Variants in DPYSL4 observed in about 807,000 individuals in gnomAD.
DPYSL4 encodes dihydropyrimidinase-related protein 4.
A neutral mutation model predicts 63.4 loss-of-function variants in DPYSL4; 43 were observed. That is an observed-to-expected ratio of 0.68 (90% CI 0.53 to 0.88). The LOEUF is 0.88. Ranked by LOEUF, DPYSL4 falls within the 40% of genes least tolerant of loss-of-function variation. The pLI, the probability that DPYSL4 is intolerant of heterozygous loss-of-function variation, is 0.00. For missense variants in DPYSL4, 733 were observed against 819.5 expected (o/e 0.89, Z 1.29); for synonymous variants, 353 against 331.7 (o/e 1.06, Z -0.70).
At chr10:132,192,517 T>G (rs1426047767) in intron 2 of DPYSL4, 141 bp from the exon 3 acceptor site, 3 of 1,416,020 alleles carry the variant, frequency 2.1e-6, no homozygotes, top group African/African-American at 2.9e-5. Context: ...GAGGAGCTAG[T>G]CCAGTGAGTG....
rs112920518 is a variant in DPYSL4 at position 132,195,286 on chromosome 10, G to A, written c.478+277G>A. Among the ~76,000 whole-genome samples, 589 of 152,326 alleles carry A rather than the reference G, an allele frequency of 3.9e-3. 1 individual carries two copies. The highest frequency in any genetic ancestry group is 6.4e-3 in the Admixed American group (98 of 15,308). On this transcript the variant is annotated intron_variant, in intron 4 of 13. Transcript: ENST00000338492. Reference sequence around the variant, plus strand: ...CGTTTCTTAGAAGAGAGGCTGCCCAGGGTGGAAGAGCAGCAGTTCCCCAGT... The same window carrying A: ...CGTTTCTTAGAAGAGAGGCTGCCCAAGGTGGAAGAGCAGCAGTTCCCCAGT...
At chr10:132,194,081 G>A (rs1392546886) in intron 3 of DPYSL4, among the ~76,000 whole-genome samples, 1 of 151,930 alleles carries the variant, frequency 6.6e-6, no homozygotes, top group Non-Finnish European at 1.5e-5. Context: ...CCACAGACAC[G>A]AGGCTGGCCT....
At position 132,200,955 on chromosome 10, in the gene DPYSL4, G is replaced by A. The variant is rs140980473; in HGVS notation, c.1082G>A (p.Arg361His). ...IPEGTNGIEE[R>H]MSMVWEKCVA... ...GAGGGCACCAACGGCATTGAGGAGC[G>A]CATGTCGATGGTCTGGGAGAAATGT... is the stretch of plus-strand genomic sequence containing the variant. Residue 361 changes from arginine to histidine, a missense_variant, in exon 10 of 14, where the codon CGC (arginine) becomes CAC (histidine). Arg to His is a conservative substitution (Grantham distance 29). Coordinates refer to ENST00000338492, the MANE Select transcript of DPYSL4 (RefSeq NM_006426.3). 2.1e-5 allele frequency: 34 copies of A among 1,613,144 alleles called. No individual in the cohort carries two copies. Among genetic ancestry groups the A allele is most frequent in the African/African-American group, 2.7e-5 (2 of 74,932 alleles).
chr10:132,197,430 G>T (rs977977214), intron 6 of DPYSL4, among the ~76,000 whole-genome samples: 3 of 152,224 alleles, frequency 2.0e-5, no homozygotes, highest in African/African-American at 7.2e-5. Flanking sequence ...CTGGGGGTTG[G>T]GTTACCACCT....
intron 2 of DPYSL4, chr10:132,192,396 C>G (rs1341809982): frequency 7.1e-6 from 8 of 1,120,644 alleles, no homozygotes; most frequent in African/African-American, 3.2e-5. Context: ...CAAAAAAGTA[C>G]CAACCAGGGA....
chr10:132,187,190 G>T, intron 1 of DPYSL4, 88 bp downstream of exon 1: 3 of 960,302 alleles, frequency 3.1e-6, no homozygotes, highest in Non-Finnish European at 4.6e-6. Context: ...GGTCTTGTGC[G>T]TGGGTGGGGG....
intron 12 of DPYSL4, 112 bp from the exon 13 acceptor site, chr10:132,203,650 C>A (rs904701477): frequency 9.8e-5 from 105 of 1,069,960 alleles, no homozygotes; most frequent in Non-Finnish European, 1.3e-4. Flanking sequence ...AGGCGCAGAG[C>A]AGGCCCAGCC....
chr10:132,199,442 G>C (rs977076760), intron 8 of DPYSL4, among the ~76,000 whole-genome samples: 4 of 152,090 alleles, frequency 2.6e-5, no homozygotes, highest in African/African-American at 9.7e-5. Flanking sequence ...ATTGGCAGCG[G>C]CTTGACTGTG....
intron 1 of DPYSL4, among the ~76,000 whole-genome samples, chr10:132,189,590 C>T (rs145633955): frequency 2.3e-4 from 35 of 152,260 alleles, no homozygotes; most frequent in Middle Eastern, 3.4e-3. Flanking sequence ...GCACTGGAAC[C>T]GAGGTCACCC....
At chr10:132,192,568 G>C in intron 2 of DPYSL4, 90 bp from the exon 3 acceptor site, 2 of 1,491,502 alleles carry the variant, frequency 1.3e-6, no homozygotes, top group Non-Finnish European at 1.8e-6. Context: ...TGGAGCTCAT[G>C]CAAACCCTTT....
intron 4 of DPYSL4, 90 bp downstream of exon 4, chr10:132,195,099 C>T: frequency 7.0e-7 from 1 of 1,437,782 alleles, no homozygotes; most frequent in Non-Finnish European, 9.3e-7. Flanking sequence ...TGGTGCTGCT[C>T]TGCCCTGGGG....
chr10:132,199,202 A>C (rs1188820016), intron 8 of DPYSL4, among the ~76,000 whole-genome samples: 3 of 152,212 alleles, frequency 2.0e-5, no homozygotes, highest in African/African-American at 7.2e-5. Context: ...GCCCTGAGGC[A>C]AAACATGGGG....
rs2061998198 is a variant in DPYSL4, at chr10:132,200,415, T to C, written c.871T>C (p.Trp291Arg). The change falls in exon 9 of 14, where the codon TGG becomes CGG. Residue 291 changes from tryptophan (W) to arginine (R), a missense_variant. Transcript: ENST00000338492. ...CCTGGGCACCGACGGTTCACACTAC[T>C]GGAGCAAGAACTGGGCCAAGGCCGC... is the stretch of plus-strand genomic sequence containing the variant. Reference protein sequence around the residue: ...ASLGTDGSHYWSKNWAKAAAF... With the variant: ...ASLGTDGSHYRSKNWAKAAAF... 9.3e-6 allele frequency: 15 copies of C among 1,613,580 alleles called. No homozygotes were observed. The highest frequency in any genetic ancestry group is 1.3e-5 in the African/African-American group (1 of 75,050).
chr10:132,196,795 C>G (rs376472090), intron 4 of DPYSL4, 66 bp from the exon 5 acceptor site: 7 of 1,574,036 alleles, frequency 4.4e-6, no homozygotes, highest in East Asian at 2.2e-5. Flanking sequence ...TGGGCAGGAG[C>G]AGCAGAGGCT....
At chr10:132,191,784 G>A (rs4880343) in intron 2 of DPYSL4, among the ~76,000 whole-genome samples, 1 of 82,484 alleles carries the variant, frequency 1.2e-5, no homozygotes, top group Admixed American at 1.6e-4. Context: ...ATCCAGGCAG[G>A]TGCAAATAGT....
At chr10:132,192,555 G>T (rs1565038919) in intron 2 of DPYSL4, 103 bp from the exon 3 acceptor site, 2 of 1,477,618 alleles carry the variant, frequency 1.4e-6, no homozygotes, top group Non-Finnish European at 8.9e-7. Flanking sequence ...TTTCCTCGGG[G>T]TCTGGAGCTC....
At position 132,198,597 on chromosome 10, in the gene DPYSL4, G is replaced by A. The variant is rs551607173; in HGVS notation, c.690+114G>A. 1.2e-4 allele frequency: 137 copies of A among 1,180,548 alleles called. 1 individual carries two copies. The African/African-American group carries it at 1.5e-3, about 13-fold the overall frequency. The allele number at this position is 1,180,548 out of a possible 1,614,324, so 73.1% of individuals were successfully genotyped here. ...CTGGCCCTGCCACTGTGCTCGCCCC[G>A]ACCTCATCTGGGAGGCGTGAATCCT... On this transcript the variant is annotated intron_variant, in intron 7 of 13. Transcript: ENST00000338492.
chr10:132,200,255 G>C, intron 8 of DPYSL4, 101 bp from the exon 9 acceptor site: 1 of 1,454,530 alleles, frequency 6.9e-7, no homozygotes, highest in South Asian at 1.3e-5. Context: ...TCCCAGGCAA[G>C]GAAAGTGAGG....
At chr10:132,192,444 G>C in intron 2 of DPYSL4, 1 of 1,238,244 alleles carries the variant, frequency 8.1e-7, no homozygotes, top group South Asian at 3.0e-5. Flanking sequence ...GTCTGCGTGA[G>C]GCTGGACCCT....
Sources: allele counts gnomAD v4.1 joint callset (sites outside exome capture counted in the v4.1 genomes callset), GRCh38; gene constraint gnomAD v4.1.1; transcripts MANE v1.5; gene names NCBI Gene and HGNC (gene_info 2026-07-23, HGNC 2026-07-21).